Variants in ICA1 observed in about 807,000 individuals in gnomAD.
The protein encoded by ICA1 is 69 kDa islet cell autoantigen.
Under a neutral mutation model 71.0 loss-of-function variants are expected in ICA1, and 40 were observed. The observed-to-expected ratio is 0.56, with a 90% confidence interval of 0.44 to 0.73. The LOEUF is 0.73. Among genes scored for constraint, ICA1 ranks in the 30% least tolerant of loss-of-function variants. The pLI is 0.00. For synonymous variants in ICA1, 207 were observed against 209.5 expected (o/e 0.99, Z 0.10); for missense variants, 578 against 576.5 (o/e 1.00, Z -0.03).
At chr7:8,138,018 G>A (rs1194127905) in intron 12 of ICA1, among the ~76,000 whole-genome samples, 2 of 152,118 alleles carry the variant, frequency 1.3e-5, no homozygotes, top group African/African-American at 4.8e-5. Context: ...CCAGGGCATG[G>A]GATGCTCTGG....
At chr7:8,193,339 C>T (rs189504097) in intron 6 of ICA1, among the ~76,000 whole-genome samples, 108 of 152,214 alleles carry the variant, frequency 7.1e-4, no homozygotes, top group African/African-American at 2.2e-3. Context: ...AATCCAATAC[C>T]GCAGAGTTCT....
intron 13 of ICA1, among the ~76,000 whole-genome samples, chr7:8,120,694 T>A (rs907788119): frequency 6.6e-6 from 1 of 152,142 alleles, no homozygotes; most frequent in Non-Finnish European, 1.5e-5. Flanking sequence ...CTTTGATATA[T>A]CAGATGTGCT....
intron 6 of ICA1, among the ~76,000 whole-genome samples, chr7:8,167,771 T>C (rs1403910844): frequency 1.3e-5 from 2 of 152,186 alleles, no homozygotes; most frequent in Non-Finnish European, 1.5e-5. Flanking sequence ...TTTACCCAAG[T>C]TGAATTAATC....
At chr7:8,131,672 T>C (rs1214112540) in intron 12 of ICA1, among the ~76,000 whole-genome samples, 1 of 152,208 alleles carries the variant, frequency 6.6e-6, no homozygotes, top group Non-Finnish European at 1.5e-5. Context: ...ATAATTAAGA[T>C]GCTTAAAATT....
intron 6 of ICA1, among the ~76,000 whole-genome samples, chr7:8,201,555 G>C (rs998065338): frequency 6.6e-6 from 1 of 152,204 alleles, no homozygotes; most frequent in Non-Finnish European, 1.5e-5. Flanking sequence ...TTGGGAGTCT[G>C]CAAGAGGGTT....
At chr7:8,162,439 A>G (rs1174749845) in intron 6 of ICA1, among the ~76,000 whole-genome samples, 1 of 152,224 alleles carries the variant, frequency 6.6e-6, no homozygotes, top group Non-Finnish European at 1.5e-5. Flanking sequence ...AAGTTCATTT[A>G]ATATTTTGTG....
chr7:8,132,861 G>A lies in ICA1; in HGVS notation c.1061-4719C>T, dbSNP rs1791986294. Reference sequence around the variant, plus strand: ...AACTCCATTTGCAAATTCCTGTCTGGGAGCCCTTCTGGGTTTGCCCATTGG... The same window carrying A: ...AACTCCATTTGCAAATTCCTGTCTGAGAGCCCTTCTGGGTTTGCCCATTGG... On this transcript the variant is annotated intron_variant, in intron 12 of 13. Coordinates refer to ENST00000402384, the MANE Select transcript of ICA1 (RefSeq NM_001136020.3). This position sits in a 1 kb window ranked among gnomAD's most constrained non-coding sequence, Gnocchi z 4.5. Among the ~76,000 whole-genome samples, 1 of 152,162 alleles carries A rather than the reference G, an allele frequency of 6.6e-6. No individual in the cohort carries two copies. The highest frequency in any genetic ancestry group is 1.5e-5 in the Non-Finnish European group (1 of 68,010).
At chr7:8,131,366 A>C (rs1004772538) in intron 12 of ICA1, among the ~76,000 whole-genome samples, 4 of 152,196 alleles carry the variant, frequency 2.6e-5, no homozygotes, top group Non-Finnish European at 5.9e-5. Context: ...TATCACTTGC[A>C]ATCAGAAAAC....
chr7:8,165,142 G>C (rs767555642), intron 6 of ICA1, among the ~76,000 whole-genome samples: 1 of 152,194 alleles, frequency 6.6e-6, no homozygotes, highest in Non-Finnish European at 1.5e-5. Flanking sequence ...TTCATTAAAA[G>C]AGGATCTTTT....
At position 8,153,836 on chromosome 7, in the gene ICA1, A is replaced by AATATATAT. The variant is rs33924786; in HGVS notation, c.804+3272_804+3279dup. On this transcript the variant is annotated intron_variant, in intron 8 of 13. Transcript: ENST00000402384. Reference sequence around the variant, plus strand: ...AATATATTAATTACAACTCATGCAGAATATATATATATATATATATATGTA... The same window carrying AATATATAT: ...AATATATTAATTACAACTCATGCAGAATATATATATATATATATATATATATATATGTA... Among the ~76,000 whole-genome samples, 312 of 137,180 alleles carry AATATATAT rather than the reference A, an allele frequency of 2.3e-3. 2 individuals are homozygous for AATATATAT. Among genetic ancestry groups the AATATATAT allele is most frequent in the African/African-American group, 5.0e-3 (187 of 37,574 alleles). The allele number at this position is 137,180 out of a possible 152,430, so 90.0% of individuals were successfully genotyped here. A position where few individuals can be genotyped will look rare whatever the true frequency, so the allele number is the denominator to read the frequency against.
chr7:8,125,190 T>C (rs1788703856), intron 13 of ICA1, among the ~76,000 whole-genome samples: 1 of 152,216 alleles, frequency 6.6e-6, no homozygotes, highest in Non-Finnish European at 1.5e-5. Context: ...ATCATGTTTC[T>C]CTTTGGCTCA....
At chr7:8,210,018 C>A (rs1793095674) in intron 6 of ICA1, among the ~76,000 whole-genome samples, 1 of 152,130 alleles carries the variant, frequency 6.6e-6, no homozygotes, top group Non-Finnish European at 1.5e-5. Context: ...GCCTAGAAGG[C>A]CACACTAACT....
In ICA1 at chr7:8,146,506, C is replaced by T. The variant is rs139515979; in HGVS notation, c.805-2534G>A. Among the ~76,000 whole-genome samples, 284 of 152,168 alleles carry T rather than the reference C, an allele frequency of 1.9e-3. 1 individual carries two copies. Among genetic ancestry groups the T allele is most frequent in the African/African-American group, 6.6e-3 (274 of 41,506 alleles). On this transcript the variant is annotated intron_variant, in intron 8 of 13. Coordinates refer to ENST00000402384, the MANE Select transcript of ICA1 (RefSeq NM_001136020.3). ...ATATTCATCAATATTTAACATTTTG[C>T]CCCATTTTGTTCCATCATCATCTTT...
At chr7:8,176,011 C>T (rs957892938) in intron 6 of ICA1, among the ~76,000 whole-genome samples, 2 of 152,198 alleles carry the variant, frequency 1.3e-5, no homozygotes, top group African/African-American at 4.8e-5. Flanking sequence ...TCCTGTTTTA[C>T]AACTGTTTCA....
intron 13 of ICA1, among the ~76,000 whole-genome samples, chr7:8,114,511 A>C (rs1784171167): frequency 6.6e-6 from 1 of 152,216 alleles, no homozygotes; most frequent in African/African-American, 2.4e-5. Context: ...CAACAGGCCC[A>C]AAAGTGTTTG....
intron 1 of ICA1, among the ~76,000 whole-genome samples, chr7:8,238,899 T>C (rs571552534): frequency 2.0e-5 from 3 of 152,294 alleles, no homozygotes; most frequent in South Asian, 4.1e-4. Flanking sequence ...CCTAGTGAAA[T>C]AGCATCTCTG....
At position 8,218,577 on chromosome 7, in the gene ICA1, C is replaced by T; in HGVS notation, c.381-74G>A. On this transcript the variant is annotated intron_variant, in intron 5 of 13. Coordinates refer to ENST00000402384, the MANE Select transcript of ICA1 (RefSeq NM_001136020.3). ...TTTAAATCCTTGACATTCTGCCAAT[C>T]TTAGACTCGTGAGTCTAGAACAGTA... The T allele has an allele frequency of 3.3e-6, 4 of 1,218,186 alleles. No individual in the cohort carries two copies. In the South Asian group the frequency reaches 5.0e-5, roughly 15 times the overall value. 75.5% of individuals were successfully genotyped at this position (1,218,186 alleles called of 1,614,324 possible).
chr7:8,182,477 A>G (rs898245393), intron 6 of ICA1, among the ~76,000 whole-genome samples: 3 of 152,030 alleles, frequency 2.0e-5, no homozygotes, highest in African/African-American at 7.2e-5. Flanking sequence ...GAAGAACAGG[A>G]CTCTTCTTCC....
chr7:8,154,706 G>C (rs1192206459), intron 8 of ICA1, among the ~76,000 whole-genome samples: 1 of 152,102 alleles, frequency 6.6e-6, no homozygotes, highest in Non-Finnish European at 1.5e-5. Context: ...AAGATGACTT[G>C]ATAAAATACA....
Sources: allele counts gnomAD v4.1 joint callset (sites outside exome capture counted in the v4.1 genomes callset), GRCh38; gene constraint gnomAD v4.1.1; non-coding constraint Gnocchi (gnomAD v3.1); transcripts MANE v1.5; gene names NCBI Gene and HGNC (gene_info 2026-07-23, HGNC 2026-07-21).